Variants in POU6F2 observed in about 807,000 individuals in gnomAD.
POU6F2 encodes the protein POU class 6 homeobox 2, also known as POU domain, class 6, transcription factor 2.
Under a neutral mutation model 71.3 loss-of-function variants are expected in POU6F2, and 31 were observed. The observed-to-expected ratio is 0.43, with a 90% CI of 0.33 to 0.59. POU6F2 has a LOEUF of 0.59. Among genes scored for constraint, POU6F2 ranks in the 20% least tolerant of loss-of-function variants. The pLI is 0.04. For missense variants in POU6F2, 783 were observed against 856.8 expected (o/e 0.91, Z 1.07); for synonymous variants, 347 against 355.7 (o/e 0.98, Z 0.27).
At chr7:39,435,146 C>T (rs879045020) in intron 7 of POU6F2, among the ~76,000 whole-genome samples, 1 of 152,100 alleles carries the variant, frequency 6.6e-6, no homozygotes, top group Non-Finnish European at 1.5e-5. Context: ...TGGGTATATA[C>T]CCAGTAATGG....
intron 1 of POU6F2, among the ~76,000 whole-genome samples, chr7:39,015,689 TC>T (rs1789473630): frequency 1.4e-4 from 2 of 14,690 alleles, no homozygotes; most frequent in Non-Finnish European, 3.9e-4. Flanking sequence ...ATGTTATATA[TC>T]TATATATTAT....
chr7:39,263,461 T>C (rs1389998132), intron 4 of POU6F2, among the ~76,000 whole-genome samples: 1 of 152,232 alleles, frequency 6.6e-6, no homozygotes, highest in African/African-American at 2.4e-5. Flanking sequence ...TAAACTTCAC[T>C]AGACCTTTTA....
intron 1 of POU6F2, among the ~76,000 whole-genome samples, chr7:38,996,610 A>C (rs919819763): frequency 1.3e-5 from 2 of 152,182 alleles, no homozygotes; most frequent in Non-Finnish European, 1.5e-5. Flanking sequence ...CACAAGCATC[A>C]TGTTGGATGC....
intron 1 of POU6F2, chr7:39,002,168 A>G (rs1788934594): frequency 6.6e-6 from 1 of 152,220 alleles, no homozygotes; most frequent in Non-Finnish European, 1.5e-5. Context: ...GTGGCAAAGG[A>G]GCAAGCAATA....
intron 4 of POU6F2, among the ~76,000 whole-genome samples, chr7:39,334,724 T>G (rs532599378): frequency 1.3e-5 from 2 of 152,358 alleles, no homozygotes; most frequent in Non-Finnish European, 2.9e-5. Context: ...TCTTACCTAA[T>G]GGGCATGTGT....
chr7:38,990,871 G>C (rs1562657041), intron 1 of POU6F2, among the ~76,000 whole-genome samples: 1 of 152,094 alleles, frequency 6.6e-6, no homozygotes, highest in Non-Finnish European at 1.5e-5. Flanking sequence ...GGGAGTAAAA[G>C]AGAGACGTGT....
intron 4 of POU6F2, among the ~76,000 whole-genome samples, chr7:39,302,338 G>C (rs757756939): frequency 4.6e-5 from 7 of 152,164 alleles, no homozygotes; most frequent in Non-Finnish European, 8.8e-5. Flanking sequence ...CTGTTGGGGG[G>C]TGATATTTAT....
intron 7 of POU6F2, among the ~76,000 whole-genome samples, chr7:39,449,597 A>G (rs1788608353): frequency 6.6e-6 from 1 of 152,142 alleles, no homozygotes; most frequent in Admixed American, 6.5e-5. Flanking sequence ...ACTCCTAGGT[A>G]TTTACATTAG....
At position 39,337,663 on chromosome 7, in the gene POU6F2, T is replaced by C. The variant is rs565073009; in HGVS notation, c.599-1979T>C. On this transcript the variant is annotated intron_variant, in intron 4 of 9. Coordinates refer to ENST00000518318, the MANE Select transcript of POU6F2 (RefSeq NM_001370959.1). ...CATTTTTTAACTCTCATTTTCATGT[T>C]AGTGTGTAGGTGGCTTTGGTGTTTT... Among the ~76,000 whole-genome samples, 3 of 152,356 alleles carry C rather than the reference T, an allele frequency of 2.0e-5. No individual in the cohort carries two copies. The South Asian group carries it at 6.2e-4, about 32-fold the overall frequency.
intron 4 of POU6F2, among the ~76,000 whole-genome samples, chr7:39,256,656 G>A (rs933557019): frequency 6.6e-5 from 10 of 152,258 alleles, no homozygotes; most frequent in Non-Finnish European, 1.3e-4. Context: ...GTAATCACAA[G>A]GTCCTTTAAA....
chr7:39,390,834 CTTGTTTT>C (rs1256907807), intron 5 of POU6F2, among the ~76,000 whole-genome samples: 2 of 151,560 alleles, frequency 1.3e-5, no homozygotes, highest in Non-Finnish European at 2.9e-5. Context: ...ACAGGGTTTT[CTTGTTTT>C]TTGTTTTTTG....
chr7:39,041,343 T>C (rs138115212), intron 1 of POU6F2, among the ~76,000 whole-genome samples: 14 of 152,156 alleles, frequency 9.2e-5, no homozygotes, highest in African/African-American at 3.1e-4. Flanking sequence ...CAAGTCTTTC[T>C]GAAGTTCAGA....
intron 1 of POU6F2, chr7:39,083,413 G>C (rs1791167427): frequency 6.6e-6 from 1 of 152,268 alleles, no homozygotes; most frequent in East Asian, 1.9e-4. Context: ...GAGTGGACTA[G>C]AATGTAAGCC....
At chr7:39,294,951 G>A (rs1784820211) in intron 4 of POU6F2, among the ~76,000 whole-genome samples, 1 of 152,152 alleles carries the variant, frequency 6.6e-6, no homozygotes, top group Admixed American at 6.5e-5. Flanking sequence ...GAAATCAGGG[G>A]CGGGTCCTGG....
At chr7:39,128,183 G>C (rs1792182829) in intron 2 of POU6F2, among the ~76,000 whole-genome samples, 1 of 152,100 alleles carries the variant, frequency 6.6e-6, no homozygotes. Flanking sequence ...AGATCTGGAT[G>C]CTTCATGGAG....
chr7:39,287,693 C>T (rs1257645315), intron 4 of POU6F2, among the ~76,000 whole-genome samples: 1 of 152,170 alleles, frequency 6.6e-6, no homozygotes, highest in East Asian at 1.9e-4. Context: ...TAAAGTCTTA[C>T]CTGTCCAGGG....
At chr7:39,423,726 A>T (rs561321553) in intron 6 of POU6F2, among the ~76,000 whole-genome samples, 1 of 152,338 alleles carries the variant, frequency 6.6e-6, no homozygotes, top group South Asian at 2.1e-4. Context: ...GAAGATAGGC[A>T]TGAAACAAAA....
chr7:39,405,133 G>A (rs1301932071), intron 5 of POU6F2: 1 of 152,182 alleles, frequency 6.6e-6, no homozygotes, highest in African/African-American at 2.4e-5. Context: ...CTGAAGAACA[G>A]TTGTGTGAAA....
chr7:39,400,227 A>G (rs530988969), intron 5 of POU6F2, among the ~76,000 whole-genome samples: 3 of 152,382 alleles, frequency 2.0e-5, no homozygotes, highest in Admixed American at 1.3e-4. Flanking sequence ...CTTCTTAAGA[A>G]TAACAAAAGA....
Sources: gnomAD v4.1 joint callset for allele counts (sites outside exome capture counted in the v4.1 genomes callset) on GRCh38, gnomAD v4.1.1 for gene constraint, MANE v1.5 for transcripts, NCBI Gene and HGNC (gene_info 2026-07-23, HGNC 2026-07-21) for gene names.